Variants in PAQR9 observed in about 807,000 individuals in gnomAD.
PAQR9 encodes the protein membrane progestin receptor epsilon.
Under a neutral mutation model 24.0 loss-of-function variants are expected in PAQR9, and 12 were observed. That is an observed-to-expected ratio of 0.50 (90% CI 0.32 to 0.81). PAQR9 has a LOEUF of 0.81. Among genes scored for constraint, PAQR9 ranks in the 30% least tolerant of loss-of-function variants. The pLI is 0.03. For synonymous variants in PAQR9, 266 were observed against 237.6 expected (o/e 1.12, Z -1.10); for missense variants, 418 against 520.8 (o/e 0.80, Z 1.92).
chr3:142,952,608 G>A (rs1333388595), downstream of PAQR9, among the ~76,000 whole-genome samples: 1 of 152,168 alleles, frequency 6.6e-6, no homozygotes, highest in African/African-American at 2.4e-5. Flanking sequence ...AGGTGTAGAG[G>A]TGGGCCTCAA....
Position 142,962,015 on chromosome 3 carries a change from AC to A in PAQR9, c.*187del. ...CCCTCCCGCTTGACCACCCCTGCCA[AC>A]CTCCCTACTTCAAAGCCTCCAGTGG... On this transcript the variant is annotated 3_prime_UTR_variant, in exon 1 of 1. Transcript: ENST00000340634. The A allele has an allele frequency of 1.5e-6, 1 of 669,820 alleles. No homozygotes were observed. Among genetic ancestry groups the A allele is most frequent in the African/African-American group, 1.8e-5 (1 of 55,256 alleles). 41.5% of individuals were successfully genotyped at this position (669,820 alleles called of 1,614,324 possible).
At position 142,958,890 on chromosome 3, in the gene PAQR9, C is replaced by T. The variant is rs1252859343; in HGVS notation, c.*3313G>A. 2.2e-4 allele frequency among the ~76,000 whole-genome samples: 33 copies of T among 152,142 alleles called. No homozygotes were observed. The highest frequency in any genetic ancestry group is 1.2e-4 in the Non-Finnish European group (8 of 68,038). ...AAGGTCATCCTCTTCACCTGAGCTG[C>T]AAGAACGGCAGGGAAGAAAGGAACC... On this transcript the variant is annotated 3_prime_UTR_variant, in exon 1 of 1. Coordinates refer to ENST00000340634, the MANE Select transcript of PAQR9 (RefSeq NM_198504.4).
rs1220331008 is a variant in PAQR9, at chr3:142,963,160, G to C, written c.177C>G (p.Ile59Met). The C allele has an allele frequency of 6.2e-7, 1 of 1,603,414 alleles. No individual in the cohort carries two copies. The highest frequency in any genetic ancestry group is 8.5e-7 in the Non-Finnish European group (1 of 1,175,030). The change falls in exon 1 of 1, where the codon ATC (isoleucine) becomes ATG (methionine). Residue 59 changes from isoleucine to methionine, a missense_variant. Physicochemically the swap from Ile to Met is conservative, Grantham distance 10 (BLOSUM62 1). Transcript: ENST00000340634. ...EVPDDFVECF[I>M]LSGYRRLPCT... ...ACGGCAGACGCCGGTAGCCCGACAG[G>C]ATGAAGCACTCCACGAAGTCGTCGG...
In PAQR9 at chr3:142,959,684, C is replaced by T. The variant is rs1934855282; in HGVS notation, c.*2519G>A. Among the ~76,000 whole-genome samples, 1 of 152,198 alleles carries T rather than the reference C, an allele frequency of 6.6e-6. No homozygotes were observed. Among genetic ancestry groups the T allele is most frequent in the Non-Finnish European group, 1.5e-5 (1 of 68,030 alleles). On this transcript the variant is annotated 3_prime_UTR_variant, in exon 1 of 1. Transcript: ENST00000340634. Reference sequence around the variant, plus strand: ...GTATAATTTTATCCTTAAGTGGCCTCTCCTTAAGGTCAAAGACAAAGGACA... The same window carrying T: ...GTATAATTTTATCCTTAAGTGGCCTTTCCTTAAGGTCAAAGACAAAGGACA...
chr3:142,952,869 G>A (rs1010969874), downstream of PAQR9: 4 of 456,642 alleles, frequency 8.8e-6, no homozygotes, highest in East Asian at 2.1e-4. Flanking sequence ...AAGCCAGAGG[G>A]CAAGAGAGCT....
chr3:142,949,516 G>A lies in PAQR9; in HGVS notation c.*1033C>T, dbSNP rs77346443. The A allele has an allele frequency of 3.1e-3, 473 of 152,344 alleles. 4 individuals are homozygous for A. Among genetic ancestry groups the A allele is most frequent in the African/African-American group, 0.011 (446 of 41,578 alleles). The allele number at this position is 152,344 out of a possible 1,614,324, so 9.4% of individuals were successfully genotyped here. Reference sequence around the variant, plus strand: ...TACAACTGCAAAGTATCAAGATAGAGAGAATGGACATTATGGGAGCAGGCA... The same window carrying A: ...TACAACTGCAAAGTATCAAGATAGAAAGAATGGACATTATGGGAGCAGGCA... On this transcript the variant is annotated 3_prime_UTR_variant, in exon 3 of 3. Coordinates refer to the PAQR9 transcript ENST00000492509.
At chr3:142,952,462 A>G (rs1374308371), downstream of PAQR9, among the ~76,000 whole-genome samples, 2 of 152,218 alleles carry the variant, frequency 1.3e-5, no homozygotes, top group Non-Finnish European at 2.9e-5. Flanking sequence ...GGAGCTGTGC[A>G]AATCCTGTTA....
Position 142,960,039 on chromosome 3 carries a change from A to C in PAQR9, c.*2164T>G, listed in dbSNP as rs180687655. 4.5e-4 allele frequency among the ~76,000 whole-genome samples: 69 copies of C among 152,332 alleles called. No individual in the cohort carries two copies. The highest frequency in any genetic ancestry group is 1.6e-3 in the African/African-American group (65 of 41,574). On this transcript the variant is annotated 3_prime_UTR_variant, in exon 1 of 1. Coordinates refer to ENST00000340634, the MANE Select transcript of PAQR9 (RefSeq NM_198504.4). ...ACAGCTGAGGAATAACATCTGTTGT[A>C]AGTACAAATTAGCCTCTGTAACCTA...
rs1258622512 is a variant in PAQR9 at position 142,959,056 on chromosome 3, A to T, written c.*3147T>A. Among the ~76,000 whole-genome samples, 1 of 152,216 alleles carries T rather than the reference A, an allele frequency of 6.6e-6. No individual in the cohort carries two copies. Among genetic ancestry groups the T allele is most frequent in the Non-Finnish European group, 1.5e-5 (1 of 68,038 alleles). On this transcript the variant is annotated 3_prime_UTR_variant, in exon 1 of 1. Transcript: ENST00000340634. ...GATGTCATCCAGATCATGACTAACAAGTAAAAATGAAACATATTACATAAT... is the reference window on the plus strand; with the variant it reads ...GATGTCATCCAGATCATGACTAACATGTAAAAATGAAACATATTACATAAT...
chr3:142,962,119 T>C lies in PAQR9; in HGVS notation c.*84A>G. On this transcript the variant is annotated 3_prime_UTR_variant, in exon 1 of 1. Transcript: ENST00000340634. Reference sequence around the variant, plus strand: ...TCCTTGAGCAAAGAAGAAAACACAATGAAATTTGAAAACAAACCAACAATA... The same window carrying C: ...TCCTTGAGCAAAGAAGAAAACACAACGAAATTTGAAAACAAACCAACAATA... The C allele has an allele frequency of 2.1e-6, 3 of 1,444,964 alleles. No homozygotes were observed. The highest frequency in any genetic ancestry group is 2.8e-6 in the Non-Finnish European group (3 of 1,057,170). 89.5% of individuals were successfully genotyped at this position (1,444,964 alleles called of 1,614,324 possible).
In PAQR9 at chr3:142,962,848, G is replaced by C. The variant is rs1232285826; in HGVS notation, c.489C>G (p.Tyr163Ter). Residue 163 changes from tyrosine (Y) to a stop codon, truncating the protein, a stop_gained, in exon 1 of 1, where the codon TAC becomes TAG. Coordinates refer to ENST00000340634, the MANE Select transcript of PAQR9 (RefSeq NM_198504.4). LOFTEE classifies it high-confidence loss of function. ...FFYLDYASISYYGFGSTVAYY... is the reference protein window; with the variant it reads ...FFYLDYASIS The stretch of plus-strand genomic sequence containing the variant: ...AGGCCACCGTGCTGCCGAAGCCGTA[G>C]TAGCTGATGGACGCGTAGTCCAGGT... 6.2e-7 allele frequency: 1 copy of C among 1,613,538 alleles called. No individual in the cohort carries two copies. Among genetic ancestry groups the C allele is most frequent in the Non-Finnish European group, 8.5e-7 (1 of 1,179,972 alleles).
Position 142,957,772 on chromosome 3 carries a change from T to C in PAQR9, c.*4431A>G, listed in dbSNP as rs1934816294. Among the ~76,000 whole-genome samples, 1 of 152,192 alleles carries C rather than the reference T, an allele frequency of 6.6e-6. No homozygotes were observed. Among genetic ancestry groups the C allele is most frequent in the Non-Finnish European group, 1.5e-5 (1 of 68,032 alleles). On this transcript the variant is annotated 3_prime_UTR_variant, in exon 1 of 1. Transcript: ENST00000340634. ...CTATCCCCTCACTTGGATTGTACAT[T>C]ACATTTTCAAGTTATTTTTAACAAT... is the stretch of plus-strand genomic sequence containing the variant.
Position 142,962,631 on chromosome 3 carries a change from A to G in PAQR9, c.706T>C (p.Cys236Arg). 1.9e-6 allele frequency: 3 copies of G among 1,611,896 alleles called. No individual in the cohort carries two copies. The highest frequency in any genetic ancestry group is 2.5e-6 in the Non-Finnish European group (3 of 1,179,136). Residue 236 changes from cysteine (C) to arginine (R), a missense_variant, in exon 1 of 1, where the codon TGT (cysteine) becomes CGT (arginine). Coordinates refer to ENST00000340634, the MANE Select transcript of PAQR9 (RefSeq NM_198504.4). ...GTGCGCAGCGCGAACGGGTAGGTACACCAGTCGGTACGGCTCTTGCAGCAG... is the reference window on the plus strand; with the variant it reads ...GTGCGCAGCGCGAACGGGTAGGTACGCCAGTCGGTACGGCTCTTGCAGCAG... Reference protein sequence around the residue: ...VACCKSRTDWCTYPFALRTFV... With the variant: ...VACCKSRTDWRTYPFALRTFV...
rs1934844903 is a variant in PAQR9, at chr3:142,959,125, T to TA, written c.*3077_*3078insT. Among the ~76,000 whole-genome samples, 6 of 152,360 alleles carry TA rather than the reference T, an allele frequency of 3.9e-5. No homozygotes were observed. The South Asian group carries it at 1.2e-3, about 32-fold the overall frequency. On this transcript the variant is annotated 3_prime_UTR_variant, in exon 1 of 1. Transcript: ENST00000340634. ...GCCAAAATAGGTTGTACATAGATAA[T>TA]GGACTGAATTCTTATTTATAATTTG...
upstream of PAQR9, chr3:142,963,884 C>CG: frequency 3.0e-6 from 3 of 985,326 alleles, no homozygotes; most frequent in Middle Eastern, 5.2e-4. Flanking sequence ...CAGCCCGGGC[C>CG]GCCCCGTTAA....
chr3:142,951,900 T>C (rs1039598606), downstream of PAQR9: 1 of 389,122 alleles, frequency 2.6e-6, no homozygotes. Flanking sequence ...AGTCTATCCA[T>C]CAACAAGGAG....
At position 142,962,999 on chromosome 3, in the gene PAQR9, G is replaced by A; in HGVS notation, c.338C>T (p.Pro113Leu). The A allele has an allele frequency of 1.4e-5, 22 of 1,614,146 alleles. No individual in the cohort carries two copies. The highest frequency in any genetic ancestry group is 1.9e-5 in the Non-Finnish European group (22 of 1,180,018). The change falls in exon 1 of 1, where the codon CCC (proline) becomes CTC (leucine). Residue 113 changes from proline (P) to leucine (L), a missense_variant. Transcript: ENST00000340634. ...RLFFLSGGDV[P>L]FHHPWLLPLW... The stretch of plus-strand genomic sequence containing the variant: ...CGGTAGCAGCCACGGGTGGTGGAAG[G>A]GCACGTCGCCGCCGCTCAGGAAGAA...
At chr3:142,951,854 T>G (rs757199671), downstream of PAQR9, 3 of 444,776 alleles carry the variant, frequency 6.7e-6, no homozygotes, top group Non-Finnish European at 1.3e-5. Context: ...GAAGAGTGTT[T>G]CAAAGAGAAC....
downstream of PAQR9, among the ~76,000 whole-genome samples, chr3:142,953,613 T>C (rs1934749070): frequency 6.6e-6 from 1 of 152,100 alleles, no homozygotes; most frequent in South Asian, 2.1e-4. Flanking sequence ...ATGATCTTTG[T>C]CCACACACTC....
Sources: allele counts gnomAD v4.1 joint callset (sites outside exome capture counted in the v4.1 genomes callset), GRCh38; gene constraint gnomAD v4.1.1; transcripts MANE v1.5; gene names NCBI Gene and HGNC (gene_info 2026-07-23, HGNC 2026-07-21).